The following NPM1 variants were observed in gnomAD, a reference collection of about 807,000 sequenced individuals.
NPM1 encodes the protein nucleophosmin 1.
In NPM1, 1 loss-of-function variant was observed where a neutral mutation model predicts 44.1. The observed-to-expected ratio is 0.02, with a 90% confidence interval of 0.01 to 0.11. NPM1 has a LOEUF of 0.11. Ranked by LOEUF, NPM1 falls within the 10% of genes least tolerant of loss-of-function variation. The probability of loss-of-function intolerance (pLI) is 1.00; values close to 1 mark genes in which losing one functional copy is unlikely to be tolerated. For missense variants in NPM1, 197 were observed against 347.8 expected (o/e 0.57, Z 3.45); for synonymous variants, 126 against 111.8 (o/e 1.13, Z -0.80).
chr5:171,392,976 A>G lies in NPM1; in HGVS notation c.522A>G (p.Glu174=), dbSNP rs368269652. 2,178 of 1,609,544 alleles carry G rather than the reference A, an allele frequency of 1.4e-3. 50 individuals carry two copies. The South Asian group carries it at 0.023, about 17-fold the overall frequency. ...ATGATGATGAAGAGGATGATGATGAAGAGTAAGTATGATTTTAGAAACTTG... is the reference window on the plus strand; with the variant it reads ...ATGATGATGAAGAGGATGATGATGAGGAGTAAGTATGATTTTAGAAACTTG... The part of the protein sequence containing the change: ...DDDDDEEDDD[E]DDDDDDFDDE... Residue 174 remains glutamate, a splice_region_variant and synonymous_variant, in exon 6 of 11, where the codon GAA becomes GAG. Transcript: ENST00000296930.
chr5:171,396,676 G>C (rs977932737), intron 6 of NPM1, among the ~76,000 whole-genome samples: 1 of 152,132 alleles, frequency 6.6e-6, no homozygotes, highest in Non-Finnish European at 1.5e-5. Context: ...CCAGTGACTC[G>C]ATTTGATTAC....
At chr5:171,395,875 A>G (rs1167903358) in intron 6 of NPM1, among the ~76,000 whole-genome samples, 3 of 152,146 alleles carry the variant, frequency 2.0e-5, no homozygotes, top group Non-Finnish European at 4.4e-5. Flanking sequence ...GCTGATGTAT[A>G]CTATACATAG....
intron 6 of NPM1, 22 bp downstream of exon 6, chr5:171,393,000 TGA>T (rs780502123): frequency 1.9e-6 from 3 of 1,603,982 alleles, no homozygotes; most frequent in Non-Finnish European, 2.6e-6. Flanking sequence ...TTTAGAAACT[TGA>T]TATACTTCCG....
rs1240990136 is a variant in NPM1 at position 171,404,260 on chromosome 5, G to A, written c.670-1042G>A. Among the ~76,000 whole-genome samples, 3 of 107,358 alleles carry A rather than the reference G, an allele frequency of 2.8e-5. 1 individual carries two copies. The highest frequency in any genetic ancestry group is 5.9e-5 in the Non-Finnish European group (3 of 51,256). 70.4% of individuals were successfully genotyped at this position (107,358 alleles called of 152,430 possible). A position where few individuals can be genotyped will look rare whatever the true frequency, so the allele number is the denominator to read the frequency against. ...ACCCCCCCCCACCTCCCTCCCGGAC[G>A]GGGTGGCTGCTGGGCGGAGATGCTC... On this transcript the variant is annotated intron_variant, in intron 8 of 10. Coordinates refer to ENST00000296930, the MANE Select transcript of NPM1 (RefSeq NM_002520.7).
At chr5:171,408,026 T>C (rs1771657971) in intron 10 of NPM1, among the ~76,000 whole-genome samples, 1 of 152,222 alleles carries the variant, frequency 6.6e-6, no homozygotes, top group South Asian at 2.1e-4. Context: ...TCTTGGTTAT[T>C]GAATTCAGTT....
chr5:171,405,937 A>G (rs1474239392), intron 9 of NPM1, among the ~76,000 whole-genome samples: 2 of 152,218 alleles, frequency 1.3e-5, no homozygotes, highest in Non-Finnish European at 2.9e-5. Context: ...AATGACTAAT[A>G]GGCTTAAATC....
chr5:171,391,255 A>G lies in NPM1; in HGVS notation c.139-50A>G, dbSNP rs1481425272. On this transcript the variant is annotated intron_variant, in intron 2 of 10. Transcript: ENST00000296930. ...CATATAACATTTAGTGGGGGGGTGT[A>G]AAATAGGTGGAACTCAAAAGTTGAA... 2.5e-6 allele frequency: 4 copies of G among 1,595,386 alleles called. No homozygotes were observed. The South Asian group carries it at 3.4e-5, about 14-fold the overall frequency.
intron 10 of NPM1, among the ~76,000 whole-genome samples, chr5:171,409,161 A>G (rs1221394709): frequency 6.6e-6 from 1 of 152,226 alleles, no homozygotes; most frequent in East Asian, 1.9e-4. Flanking sequence ...AAGTGTCAGA[A>G]TGAAATTTCT....
chr5:171,387,816 A>C, upstream of NPM1: 1 of 785,318 alleles, frequency 1.3e-6, no homozygotes, highest in Non-Finnish European at 2.1e-6. Flanking sequence ...CGAGATCTTC[A>C]GGGTCTATAT....
At chr5:171,392,409 A>G (rs139814890) in intron 4 of NPM1, among the ~76,000 whole-genome samples, 33 of 152,230 alleles carry the variant, frequency 2.2e-4, no homozygotes, top group Middle Eastern at 6.8e-3. Context: ...ATATGTGCAG[A>G]TGGGGTCTCA....
intron 6 of NPM1, among the ~76,000 whole-genome samples, chr5:171,399,527 G>C (rs1214158967): frequency 6.6e-6 from 1 of 152,150 alleles, no homozygotes; most frequent in Non-Finnish European, 1.5e-5. Flanking sequence ...GTGAGACACT[G>C]TGCCAGTTCT....
chr5:171,400,318 C>T, intron 7 of NPM1, 108 bp downstream of exon 7: 1 of 1,259,740 alleles, frequency 7.9e-7, no homozygotes. Context: ...GGGAGATCAT[C>T]TCATACTGAA....
chr5:171,407,322 C>T (rs189685828), intron 9 of NPM1, among the ~76,000 whole-genome samples: 2 of 152,286 alleles, frequency 1.3e-5, no homozygotes, highest in East Asian at 3.9e-4. Flanking sequence ...GTTTGGGTCA[C>T]TTGACATGGT....
chr5:171,404,016 T>A (rs1241507613), intron 8 of NPM1, among the ~76,000 whole-genome samples: 6 of 65,038 alleles, frequency 9.2e-5, no homozygotes, highest in Non-Finnish European at 1.2e-4. Flanking sequence ...GGCTCCTCAC[T>A]TCCCAGTAGG....
At chr5:171,395,215 A>G (rs1040531137) in intron 6 of NPM1, among the ~76,000 whole-genome samples, 1 of 152,106 alleles carries the variant, frequency 6.6e-6, no homozygotes, top group Non-Finnish European at 1.5e-5. Flanking sequence ...TGTAACCACA[A>G]TGTAATTTTG....
In NPM1 at chr5:171,400,966, TGG is replaced by T. The variant is rs1561871644; in HGVS notation, c.669+44_669+45del. 10 of 1,348,674 alleles carry T rather than the reference TGG, an allele frequency of 7.4e-6. No homozygotes were observed. In the Middle Eastern group the frequency reaches 7.2e-4, roughly 97 times the overall value. 83.5% of individuals were successfully genotyped at this position (1,348,674 alleles called of 1,614,324 possible). A position where few individuals can be genotyped will look rare whatever the true frequency, so the allele number is the denominator to read the frequency against. ...TACACGTGGGTCTCATTGATCTAGTTGGGGAAAAAGATTCTACTGTGGAAGAA... is the reference window on the plus strand; with the variant it reads ...TACACGTGGGTCTCATTGATCTAGTTGGAAAAAGATTCTACTGTGGAAGAA... On this transcript the variant is annotated intron_variant, in intron 8 of 10. Transcript: ENST00000296930.
intron 1 of NPM1, 72 bp downstream of exon 1, chr5:171,388,078 G>GTGGGGGGGGGGGTGGGGGGGGGT: frequency 1.6e-6 from 1 of 616,752 alleles, no homozygotes; most frequent in Non-Finnish European, 3.0e-6. Flanking sequence ...TGAGGGGCGG[G>GTGGGGGGGGGGGTGGGGGGGGGT]AATCCGGCTG....
chr5:171,393,765 G>C (rs140176842), intron 6 of NPM1, among the ~76,000 whole-genome samples: 109 of 152,294 alleles, frequency 7.2e-4, no homozygotes, highest in Middle Eastern at 3.4e-3. Context: ...TTAAGCTGGT[G>C]GTTCTTCAAA....
At chr5:171,405,083 A>G (rs1771491689) in intron 8 of NPM1, among the ~76,000 whole-genome samples, 1 of 152,168 alleles carries the variant, frequency 6.6e-6, no homozygotes, top group Non-Finnish European at 1.5e-5. Context: ...GATTACAGGC[A>G]TGCACCACCA....
Sources: allele counts gnomAD v4.1 joint callset (sites outside exome capture counted in the v4.1 genomes callset), GRCh38; gene constraint gnomAD v4.1.1; transcripts MANE v1.5; gene names NCBI Gene and HGNC (gene_info 2026-07-23, HGNC 2026-07-21).